Variants in CNTLN observed in about 807,000 individuals in gnomAD.
The protein encoded by CNTLN is centlein, also known as centlein, centrosomal protein.
Under a neutral mutation model 180.0 loss-of-function variants are expected in CNTLN, and 212 were observed. The ratio of observed to expected loss-of-function variants is 1.18; its 90% confidence interval spans 1.05 to 1.32. The LOEUF is 1.32. CNTLN is among the 40% of genes most tolerant of loss of function. CNTLN has a pLI of 0.00. For missense variants in CNTLN, 2,095 were observed against 1,610.9 expected (o/e 1.30, Z -5.14); for synonymous variants, 722 against 563.1 (o/e 1.28, Z -3.99).
At chr9:17,182,159 G>A (rs1010924192) in intron 2 of CNTLN, among the ~76,000 whole-genome samples, 4 of 148,348 alleles carry the variant, frequency 2.7e-5, no homozygotes, top group Non-Finnish European at 6.0e-5. Flanking sequence ...GTGGTGGTAG[G>A]GCCACATTTT....
intron 2 of CNTLN, among the ~76,000 whole-genome samples, chr9:17,180,765 T>C (rs1199337601): frequency 1.3e-5 from 2 of 152,174 alleles, no homozygotes; most frequent in Non-Finnish European, 2.9e-5. Context: ...TCCTATTTTT[T>C]AAGAATGTCT....
intron 14 of CNTLN, among the ~76,000 whole-genome samples, chr9:17,392,203 G>A (rs968091414): frequency 6.6e-6 from 1 of 152,040 alleles, no homozygotes; most frequent in Non-Finnish European, 1.5e-5. Flanking sequence ...GGAGGTCAAG[G>A]CTGAAAAACC....
intron 16 of CNTLN, among the ~76,000 whole-genome samples, chr9:17,412,994 A>G (rs958028487): frequency 1.3e-4 from 20 of 152,174 alleles, no homozygotes; most frequent in African/African-American, 3.9e-4. Context: ...TTAAATAACT[A>G]TGTTTGCCCC....
intron 18 of CNTLN, among the ~76,000 whole-genome samples, chr9:17,439,427 AATTTATAGAGGC>A (rs1253352401): frequency 2.2e-4 from 34 of 152,196 alleles, no homozygotes; most frequent in Non-Finnish European, 7.4e-5. Flanking sequence ...ATCTGATGCG[AATTTATAGAGGC>A]ATTTCTAAAA....
chr9:17,261,370 T>G (rs1826962888), intron 5 of CNTLN, among the ~76,000 whole-genome samples: 1 of 151,400 alleles, frequency 6.6e-6, no homozygotes, highest in Admixed American at 6.6e-5. Context: ...TTGTACTTCT[T>G]CTTGTAAAGA....
intron 2 of CNTLN, among the ~76,000 whole-genome samples, chr9:17,195,027 CCGTGTCCCTCCCATAA>C (rs1488289561): frequency 6.6e-6 from 1 of 152,144 alleles, no homozygotes; most frequent in African/African-American, 2.4e-5. Context: ...TGGTCTCCCA[CCGTGTCCCTCCCATAA>C]CGTGGGAATT....
rs147541030 is a variant in CNTLN at position 17,359,662 on chromosome 9, A to T, written c.1887-6955A>T. On this transcript the variant is annotated intron_variant, in intron 12 of 25. Coordinates refer to ENST00000380647, the MANE Select transcript of CNTLN (RefSeq NM_017738.4). ...TTTGGGAGGCCGAGTCGGGTGGATC[A>T]CGAGGTCCGGAGATCAAAACCATCC... 2.6e-3 allele frequency among the ~76,000 whole-genome samples: 380 copies of T among 146,782 alleles called. 2 individuals carry two copies. The highest frequency in any genetic ancestry group is 9.1e-3 in the African/African-American group (364 of 40,068).
chr9:17,188,753 AT>A (rs1332804282), intron 2 of CNTLN, among the ~76,000 whole-genome samples: 3 of 152,126 alleles, frequency 2.0e-5, no homozygotes, highest in African/African-American at 7.2e-5. Flanking sequence ...CATTAAAAAT[AT>A]ATATTCACTT....
chr9:17,153,789 A>G (rs1456381715), intron 2 of CNTLN, among the ~76,000 whole-genome samples: 1 of 152,166 alleles, frequency 6.6e-6, no homozygotes, highest in Non-Finnish European at 1.5e-5. Flanking sequence ...TTTCAGGTAC[A>G]CCAATCAAAT....
intron 3 of CNTLN, among the ~76,000 whole-genome samples, chr9:17,228,732 A>G (rs1824633185): frequency 1.3e-5 from 2 of 152,200 alleles, no homozygotes; most frequent in African/African-American, 2.4e-5. Flanking sequence ...GTCCACTGAC[A>G]TGGACCTGAA....
chr9:17,238,596 TCA>T (rs1272310363), intron 5 of CNTLN, among the ~76,000 whole-genome samples: 1 of 152,204 alleles, frequency 6.6e-6, no homozygotes, highest in Non-Finnish European at 1.5e-5. Context: ...TGTCCTCCAG[TCA>T]CAGTTTTGCA....
At chr9:17,393,962 T>TAA (rs1373039232) in intron 14 of CNTLN, among the ~76,000 whole-genome samples, 1 of 152,156 alleles carries the variant, frequency 6.6e-6, no homozygotes, top group African/African-American at 2.4e-5. Context: ...TTTTAATTTA[T>TAA]GTGCAACCTT....
chr9:17,401,792 C>T (rs1019810042), intron 15 of CNTLN, among the ~76,000 whole-genome samples: 1 of 145,582 alleles, frequency 6.9e-6, no homozygotes, highest in Non-Finnish European at 1.5e-5. Flanking sequence ...GATGAAAATA[C>T]AGAGCCAGAT....
At chr9:17,297,305 G>A (rs957026257) in intron 6 of CNTLN, among the ~76,000 whole-genome samples, 4 of 152,150 alleles carry the variant, frequency 2.6e-5, no homozygotes, top group Non-Finnish European at 4.4e-5. Flanking sequence ...ATAAGGACTT[G>A]AGCATCTGTA....
chr9:17,488,353 T>A (rs564174873), intron 25 of CNTLN, among the ~76,000 whole-genome samples: 1 of 152,226 alleles, frequency 6.6e-6, no homozygotes, highest in South Asian at 2.1e-4. Flanking sequence ...TTCTTAATCA[T>A]GTGGTACTCC....
At chr9:17,255,951 GTTAGAATACAGATTTT>G (rs1826457704) in intron 5 of CNTLN, among the ~76,000 whole-genome samples, 1 of 151,914 alleles carries the variant, frequency 6.6e-6, no homozygotes, top group South Asian at 2.1e-4. Context: ...TTTTGTATTT[GTTAGAATACAGATTTT>G]TTAGAATACA....
At chr9:17,332,775 A>T in intron 10 of CNTLN, 45 bp downstream of exon 10, 1 of 1,478,808 alleles carries the variant, frequency 6.8e-7, no homozygotes, top group Non-Finnish European at 9.1e-7. Context: ...GCAAAGATAA[A>T]AATATACCAA....
At chr9:17,384,122 A>G (rs1347647651) in intron 13 of CNTLN, among the ~76,000 whole-genome samples, 1 of 152,192 alleles carries the variant, frequency 6.6e-6, no homozygotes. Flanking sequence ...AGAGGGTGTT[A>G]CACATGGCTT....
intron 8 of CNTLN, among the ~76,000 whole-genome samples, chr9:17,326,006 T>A (rs188249054): frequency 4.0e-4 from 61 of 152,218 alleles, no homozygotes; most frequent in Non-Finnish European, 7.8e-4. Flanking sequence ...TTAAGTTGTA[T>A]AATTTAAAAA....
Sources: allele counts gnomAD v4.1 joint callset (sites outside exome capture counted in the v4.1 genomes callset), GRCh38; gene constraint gnomAD v4.1.1; transcripts MANE v1.5; gene names NCBI Gene and HGNC (gene_info 2026-07-23, HGNC 2026-07-21).